Variants in FAM124A observed in about 807,000 individuals in gnomAD.
The protein encoded by FAM124A is family with sequence similarity 124 member A.
FAM124A carries 23 observed loss-of-function variants against 24.5 expected under a neutral mutation model. The observed-to-expected ratio is 0.94, with a 90% CI of 0.68 to 1.33. The LOEUF is 1.33. FAM124A is among the 40% of genes most tolerant of loss of function. The pLI, the probability that FAM124A is intolerant of heterozygous loss-of-function variation, is 0.00. For synonymous variants in FAM124A, 287 were observed against 314.7 expected (o/e 0.91, Z 0.93); for missense variants, 623 against 722.8 (o/e 0.86, Z 1.58).
intron 3 of FAM124A, among the ~76,000 whole-genome samples, chr13:51,255,316 G>A (rs1188851212): frequency 6.6e-6 from 1 of 152,098 alleles, no homozygotes; most frequent in Non-Finnish European, 1.5e-5. Flanking sequence ...CTGTTCAATG[G>A]CAGCCACTAG....
intron 3 of FAM124A, among the ~76,000 whole-genome samples, chr13:51,271,852 G>A (rs1365738283): frequency 6.6e-6 from 1 of 152,178 alleles, no homozygotes; most frequent in East Asian, 1.9e-4. Context: ...TGCAGTCTGG[G>A]CAGTAATATA....
In FAM124A at chr13:51,251,777, A is replaced by T. The variant is rs1299159637; in HGVS notation, c.410A>T (p.His137Leu). Reference sequence around the variant, plus strand: ...CGCCACCACCACACCGAGCAGGTGCACGGCCGGTTCCTGCCCTACCTGCCC... The same window carrying T: ...CGCCACCACCACACCGAGCAGGTGCTCGGCCGGTTCCTGCCCTACCTGCCC... Reference protein sequence around the residue: ...PWRHHHTEQVHGRFLPYLPCS... With the variant: ...PWRHHHTEQVLGRFLPYLPCS... The change falls in exon 3 of 4, where the codon CAC becomes CTC. Residue 137 changes from histidine to leucine, a missense_variant. Transcript: ENST00000322475. The surrounding 1 kb of genome is among the most constrained non-coding windows in gnomAD (Gnocchi z 5.3). 6.3e-7 allele frequency: 1 copy of T among 1,587,880 alleles called. No homozygotes were observed. Among genetic ancestry groups the T allele is most frequent in the East Asian group, 2.3e-5 (1 of 43,380 alleles).
rs199695346 is a variant in FAM124A at position 51,281,059 on chromosome 13, T to C, written c.1444T>C (p.Phe482Leu). The C allele has an allele frequency of 6.8e-6, 11 of 1,614,032 alleles. No individual in the cohort carries two copies. The highest frequency in any genetic ancestry group is 1.7e-4 in the Middle Eastern group (1 of 6,060). Reference protein sequence around the residue: ...TTEASWASLPFFTKRSSSSSA... With the variant: ...TTEASWASLPLFTKRSSSSSA... ...AGAGGCCTCCTGGGCTTCCCTCCCT[T>C]TCTTCACCAAAAGGTCTTCCAGCTC... Residue 482 changes from phenylalanine (F) to leucine (L), a missense_variant, in exon 4 of 4, where the codon TTC (phenylalanine) becomes CTC (leucine). Physicochemically the swap from Phe to Leu is conservative, Grantham distance 22 (BLOSUM62 0). Transcript: ENST00000322475.
At chr13:51,242,182 T>C (rs1954503754) in intron 2 of FAM124A, among the ~76,000 whole-genome samples, 1 of 152,248 alleles carries the variant, frequency 6.6e-6, no homozygotes, top group Admixed American at 6.5e-5. Flanking sequence ...CTGTCATCTC[T>C]GGATCTCCAG....
rs573613110 is a variant in FAM124A at position 51,245,092 on chromosome 13, G to T, written c.101-6376G>T. 5.9e-5 allele frequency among the ~76,000 whole-genome samples: 9 copies of T among 152,364 alleles called. No homozygotes were observed. In the South Asian group the frequency reaches 1.9e-3, roughly 32 times the overall value. ...AGAAAGAGAAAGGCTATCTCCTGCA[G>T]AGAGAGGGCTCCCAAGCAGGTGTCT... On this transcript the variant is annotated intron_variant, in intron 2 of 3. Transcript: ENST00000322475.
Position 51,273,674 on chromosome 13 carries a change from T to C in FAM124A, c.835-6776T>C, listed in dbSNP as rs546455121. On this transcript the variant is annotated intron_variant, in intron 3 of 3. Coordinates refer to ENST00000322475, the MANE Select transcript of FAM124A (RefSeq NM_001242312.2). ...ACCCTCAGTGCAATAGAAAATTACA[T>C]TGGAGAATTGAAGAAATTATCTGGA... Among the ~76,000 whole-genome samples the C allele has an allele frequency of 4.6e-5, 7 of 152,368 alleles. No individual in the cohort carries two copies. The South Asian group carries it at 1.0e-3, about 23-fold the overall frequency.
At chr13:51,242,560 G>T (rs1234542559) in intron 2 of FAM124A, among the ~76,000 whole-genome samples, 1 of 152,180 alleles carries the variant, frequency 6.6e-6, no homozygotes, top group Admixed American at 6.5e-5. Flanking sequence ...CTGTCAAGCT[G>T]TATCAGGATT....
rs1466701177 is a variant in FAM124A at position 51,246,401 on chromosome 13, G to GC, written c.101-5067_101-5066insC. ...GCTCCACAGAGGCATGTTTCTCGTG[G>GC]GGTGGGGGGGGGTGTAACTCTAACA... On this transcript the variant is annotated intron_variant, in intron 2 of 3. Transcript: ENST00000322475. 1.6e-4 allele frequency among the ~76,000 whole-genome samples: 20 copies of GC among 122,564 alleles called. 1 individual carries two copies. Among genetic ancestry groups the GC allele is most frequent in the South Asian group, 3.0e-4 (1 of 3,320 alleles). The allele number at this position is 122,564 out of a possible 152,430, so 80.4% of individuals were successfully genotyped here. A position where few individuals can be genotyped will look rare whatever the true frequency, so the allele number is the denominator to read the frequency against.
At chr13:51,261,530 A>G (rs1205812216) in intron 3 of FAM124A, among the ~76,000 whole-genome samples, 1 of 147,880 alleles carries the variant, frequency 6.8e-6, no homozygotes, top group Non-Finnish European at 1.5e-5. Context: ...GAGGAAGAGT[A>G]ATTTTCTTTT....
intron 2 of FAM124A, among the ~76,000 whole-genome samples, chr13:51,231,819 G>C (rs1218964924): frequency 6.6e-6 from 1 of 152,170 alleles, no homozygotes; most frequent in Non-Finnish European, 1.5e-5. Flanking sequence ...TCCAATGGAG[G>C]GAACATCTAT....
chr13:51,234,571 G>A (rs1954415445), intron 2 of FAM124A, among the ~76,000 whole-genome samples: 1 of 152,128 alleles, frequency 6.6e-6, no homozygotes, highest in Admixed American at 6.5e-5. Flanking sequence ...TAAATAAGAG[G>A]ATTGGGCTGG....
At chr13:51,279,933 T>A (rs1364196168) in intron 3 of FAM124A, among the ~76,000 whole-genome samples, 2 of 152,174 alleles carry the variant, frequency 1.3e-5, no homozygotes, top group Non-Finnish European at 2.9e-5. Flanking sequence ...CTATCATGCA[T>A]ATACTAGAAT....
chr13:51,224,940 C>T (rs1954301980), intron 1 of FAM124A, among the ~76,000 whole-genome samples: 1 of 152,122 alleles, frequency 6.6e-6, no homozygotes. Context: ...CAGCTCTGCC[C>T]TTCCCACCTG....
chr13:51,277,751 G>A (rs923627100), intron 3 of FAM124A, among the ~76,000 whole-genome samples: 16 of 152,134 alleles, frequency 1.1e-4, no homozygotes, highest in South Asian at 6.2e-4. Context: ...CTGAGATCGC[G>A]CCACTGCACT....
At chr13:51,243,031 G>C (rs1954516576) in intron 2 of FAM124A, among the ~76,000 whole-genome samples, 1 of 152,214 alleles carries the variant, frequency 6.6e-6, no homozygotes, top group South Asian at 2.1e-4. Flanking sequence ...GGACACTTCT[G>C]TGAAATCAGG....
chr13:51,229,597 CATTTT>C (rs999235601), intron 1 of FAM124A, among the ~76,000 whole-genome samples: 7 of 152,142 alleles, frequency 4.6e-5, no homozygotes, highest in African/African-American at 1.7e-4. Context: ...TGAAAATACA[CATTTT>C]AAAGAATAAA....
chr13:51,280,455 A>T lies in FAM124A; in HGVS notation c.840A>T (p.Gln280His), dbSNP rs746161602. The T allele has an allele frequency of 6.1e-5, 98 of 1,597,070 alleles. No homozygotes were observed. The highest frequency in any genetic ancestry group is 8.0e-5 in the Non-Finnish European group (93 of 1,169,736). ...ATCTGCCTCTCCCCCCACAGGCACA[A>T]AGGGTGCATAAGAAGTTTCCTAAAC... The part of the protein sequence containing the change: ...HDGNKILLQA[Q>H]RVHKKFPKPG... The change falls in exon 4 of 4, where the codon CAA (glutamine) becomes CAT (histidine). Residue 280 changes from glutamine to histidine, a missense_variant. Physicochemically the swap from Gln to His is conservative, Grantham distance 24. Coordinates refer to ENST00000322475, the MANE Select transcript of FAM124A (RefSeq NM_001242312.2).
chr13:51,269,842 A>G (rs1954823006), intron 3 of FAM124A, among the ~76,000 whole-genome samples: 2 of 152,238 alleles, frequency 1.3e-5, no homozygotes, highest in Admixed American at 6.5e-5. Context: ...AAAGCAGATC[A>G]GAAAACCTAC....
chr13:51,275,455 C>T (rs1954877880), intron 3 of FAM124A, among the ~76,000 whole-genome samples: 1 of 152,170 alleles, frequency 6.6e-6, no homozygotes, highest in African/African-American at 2.4e-5. Context: ...TTAAAAAGAA[C>T]TTCTGTTCAT....
Sources: allele counts gnomAD v4.1 joint callset (sites outside exome capture counted in the v4.1 genomes callset), GRCh38; gene constraint gnomAD v4.1.1; non-coding constraint Gnocchi (gnomAD v3.1); transcripts MANE v1.5; gene names NCBI Gene and HGNC (gene_info 2026-07-23, HGNC 2026-07-21).